SMURF1: variants seen among roughly 807,000 people sequenced by gnomAD.
SMURF1 encodes the protein E3 ubiquitin-protein ligase SMURF1.
Under a neutral mutation model 98.0 loss-of-function variants are expected in SMURF1, and 44 were observed. That is an observed-to-expected ratio of 0.45 (90% confidence interval 0.35 to 0.58). The LOEUF is 0.58. Among genes scored for constraint, SMURF1 ranks in the 20% least tolerant of loss-of-function variants. The pLI is 0.00. For missense variants in SMURF1, 687 were observed against 938.4 expected (o/e 0.73, Z 3.50); for synonymous variants, 396 against 374.9 (o/e 1.06, Z -0.65).
At chr7:99,050,674 C>G (rs1254098075) in intron 8 of SMURF1, 2 of 384,276 alleles carry the variant, frequency 5.2e-6, no homozygotes, top group East Asian at 7.4e-5. Context: ...AAAAGAGACA[C>G]CTCATTCATT....
chr7:99,039,492 T>C (rs1795291838), intron 13 of SMURF1, among the ~76,000 whole-genome samples: 1 of 152,070 alleles, frequency 6.6e-6, no homozygotes, highest in Admixed American at 6.6e-5. Context: ...ATTACAGGCA[T>C]GTGCCACACC....
chr7:99,054,389 C>G (rs1795832072), intron 6 of SMURF1, among the ~76,000 whole-genome samples: 1 of 152,098 alleles, frequency 6.6e-6, no homozygotes. Flanking sequence ...TCACTGCAAC[C>G]CCCTCCTCCC....
At chr7:99,032,560 T>G (rs1794945200) in intron 17 of SMURF1, among the ~76,000 whole-genome samples, 1 of 152,162 alleles carries the variant, frequency 6.6e-6, no homozygotes. Flanking sequence ...TCCCAGCTAC[T>G]CAGGAGGCTG....
chr7:99,060,120 G>A (rs1795994019), intron 3 of SMURF1, among the ~76,000 whole-genome samples: 2 of 152,052 alleles, frequency 1.3e-5, no homozygotes, highest in Non-Finnish European at 2.9e-5. Flanking sequence ...GCTCACGCCT[G>A]TAATCCCAAC....
At chr7:99,091,548 G>C (rs1403703243) in intron 1 of SMURF1, among the ~76,000 whole-genome samples, 2 of 152,198 alleles carry the variant, frequency 1.3e-5, no homozygotes, top group African/African-American at 4.8e-5. Context: ...CAGCTAGAAA[G>C]ATGGTGGACG....
intron 1 of SMURF1, among the ~76,000 whole-genome samples, chr7:99,070,809 T>C (rs1378406083): frequency 6.6e-6 from 1 of 152,114 alleles, no homozygotes; most frequent in Non-Finnish European, 1.5e-5. Context: ...ACTGCCTGCT[T>C]GAATGAATGT....
At chr7:99,033,185 C>G (rs1240462389) in intron 16 of SMURF1, 64 bp from the exon 17 acceptor site, 14 of 1,503,296 alleles carry the variant, frequency 9.3e-6, no homozygotes, top group Admixed American at 3.9e-5. Flanking sequence ...CCCGGCCACA[C>G]AGCCCCCAGG....
At position 99,143,813 on chromosome 7, in the gene SMURF1, G is replaced by GCGCCAC. The variant is rs779877205; in HGVS notation, c.-39_-34dup. 1 of 1,525,654 alleles carries GCGCCAC rather than the reference G, an allele frequency of 6.6e-7. No homozygotes were observed. Among genetic ancestry groups the GCGCCAC allele is most frequent in the South Asian group, 1.2e-5 (1 of 83,130 alleles). 94.5% of individuals were successfully genotyped at this position (1,525,654 alleles called of 1,614,324 possible). On this transcript the variant is annotated 5_prime_UTR_variant, in exon 1 of 18. Transcript: ENST00000361368. ...CAACGATCGGGCAGCCGCGGATCCA[G>GCGCCAC]CGCCACCGCCCCCCAGCCCGGCCCG...
chr7:99,089,761 C>T (rs377249318), intron 1 of SMURF1, among the ~76,000 whole-genome samples: 3 of 152,208 alleles, frequency 2.0e-5, no homozygotes, highest in East Asian at 3.8e-4. Flanking sequence ...AAACTCTAAT[C>T]GATCCATTTA....
At chr7:99,103,707 T>G (rs1407018882) in intron 1 of SMURF1, among the ~76,000 whole-genome samples, 2 of 152,192 alleles carry the variant, frequency 1.3e-5, no homozygotes, top group African/African-American at 4.8e-5. Context: ...ACAGCAACAC[T>G]GAGTTTAAAA....
chr7:99,126,311 T>G (rs2075717653), intron 1 of SMURF1, among the ~76,000 whole-genome samples: 1 of 152,154 alleles, frequency 6.6e-6, no homozygotes, highest in Non-Finnish European at 1.5e-5. Flanking sequence ...AATAAAGTAC[T>G]TATTTCTTCT....
At chr7:99,034,872 T>C (rs977960828) in intron 16 of SMURF1, among the ~76,000 whole-genome samples, 1 of 152,206 alleles carries the variant, frequency 6.6e-6, no homozygotes, top group Non-Finnish European at 1.5e-5. Flanking sequence ...GTGTTTACAA[T>C]GTGTCTGTGT....
chr7:99,117,792 T>C (rs1410294894), intron 1 of SMURF1, among the ~76,000 whole-genome samples: 2 of 151,806 alleles, frequency 1.3e-5, no homozygotes, highest in Non-Finnish European at 2.9e-5. Context: ...ATATCAAGAA[T>C]ATATATGCTG....
chr7:99,042,500 C>T (rs1795424822), intron 11 of SMURF1, among the ~76,000 whole-genome samples: 1 of 152,212 alleles, frequency 6.6e-6, no homozygotes, highest in Non-Finnish European at 1.5e-5. Flanking sequence ...GCCTCGAACT[C>T]CTGACCTCAA....
intron 1 of SMURF1, among the ~76,000 whole-genome samples, chr7:99,136,550 C>T (rs1015455599): frequency 2.0e-5 from 3 of 152,096 alleles, no homozygotes; most frequent in Non-Finnish European, 4.4e-5. Flanking sequence ...ATTTTGTTTC[C>T]TGCTTTCTGA....
At chr7:99,125,863 A>G (rs1443535935) in intron 1 of SMURF1, among the ~76,000 whole-genome samples, 1 of 152,042 alleles carries the variant, frequency 6.6e-6, no homozygotes, top group Non-Finnish European at 1.5e-5. Context: ...CTCCCCGACA[A>G]CTCACGACTT....
At chr7:99,054,911 CATAATT>C in intron 5 of SMURF1, 46 bp from the exon 6 acceptor site, 1 of 1,542,484 alleles carries the variant, frequency 6.5e-7, no homozygotes, top group Non-Finnish European at 9.0e-7. Context: ...GCGGGGTTTA[CATAATT>C]ATAATACAGT....
At chr7:99,117,403 C>T (rs1442571820) in intron 1 of SMURF1, among the ~76,000 whole-genome samples, 2 of 152,176 alleles carry the variant, frequency 1.3e-5, no homozygotes, top group South Asian at 2.1e-4. Context: ...GGCTTCAGTA[C>T]GATAGCATGA....
intron 1 of SMURF1, among the ~76,000 whole-genome samples, chr7:99,102,279 C>A (rs575502574): frequency 6.6e-6 from 1 of 152,122 alleles, no homozygotes; most frequent in Non-Finnish European, 1.5e-5. Context: ...TAATATCCTA[C>A]GCATCTGTCT....
Sources: gnomAD v4.1 joint callset for allele counts (sites outside exome capture counted in the v4.1 genomes callset) on GRCh38, gnomAD v4.1.1 for gene constraint, MANE v1.5 for transcripts, NCBI Gene and HGNC (gene_info 2026-07-23, HGNC 2026-07-21) for gene names.